The following ALKBH1 variants were observed in gnomAD, a reference collection of about 807,000 sequenced individuals.
ALKBH1 encodes the protein alkB homolog 1, histone H2A dioxygenase.
In ALKBH1, 31 loss-of-function variants were observed where a neutral mutation model predicts 36.6. The ratio of observed to expected loss-of-function variants is 0.85; its 90% CI spans 0.64 to 1.14. The LOEUF is 1.14. Ranked by LOEUF, ALKBH1 falls within the 50% of genes most tolerant of loss-of-function variation. ALKBH1 has a pLI of 0.00. For synonymous variants in ALKBH1, 183 were observed against 186.6 expected, an observed-to-expected ratio of 0.98 and a Z score of 0.16; for missense variants, 490 against 497.3, an observed-to-expected ratio of 0.99 and a Z score of 0.14.
rs1268096244 is a variant in ALKBH1 at position 77,692,970 on chromosome 14, C to T, written c.455+1768G>A. On this transcript the variant is annotated intron_variant, in intron 3 of 5. Coordinates refer to ENST00000216489, the MANE Select transcript of ALKBH1 (RefSeq NM_006020.3). Reference sequence around the variant, plus strand: ...CCTGTAATCCCAGCACTTTGGGAGGCCGAGGTGGGCAGATCACCTGAGGTC... The same window carrying T: ...CCTGTAATCCCAGCACTTTGGGAGGTCGAGGTGGGCAGATCACCTGAGGTC... Among the ~76,000 whole-genome samples the T allele has an allele frequency of 3.3e-5, 5 of 151,788 alleles. No individual in the cohort carries two copies. In the South Asian group the frequency reaches 6.2e-4, roughly 19 times the overall value.
At chr14:77,683,183 A>G (rs2080248285) in intron 3 of ALKBH1, 4 of 569,436 alleles carry the variant, frequency 7.0e-6, no homozygotes, top group Non-Finnish European at 1.3e-5. Context: ...CAAACAGTCC[A>G]GGGGTATTTT....
intron 5 of ALKBH1, among the ~76,000 whole-genome samples, chr14:77,675,410 G>A (rs1013496913): frequency 2.2e-4 from 33 of 151,470 alleles, no homozygotes; most frequent in Non-Finnish European, 1.6e-4. Context: ...TTCCAGCCTG[G>A]GTGACAGAGC....
Position 77,675,865 on chromosome 14 carries a change from A to C in ALKBH1, c.547-16T>G. The C allele has an allele frequency of 6.3e-7, 1 of 1,590,264 alleles. No homozygotes were observed. The highest frequency in any genetic ancestry group is 8.6e-7 in the Non-Finnish European group (1 of 1,158,932). On this transcript the variant is annotated splice_polypyrimidine_tract_variant and intron_variant, in intron 4 of 5. Coordinates refer to ENST00000216489, the MANE Select transcript of ALKBH1 (RefSeq NM_006020.3). Reference sequence around the variant, plus strand: ...CTGAGTATTTCTTTGGTAAATGTAGAGAGAATAAGAAAAATAAACAATGAT... The same window carrying C: ...CTGAGTATTTCTTTGGTAAATGTAGCGAGAATAAGAAAAATAAACAATGAT...
At chr14:77,689,513 A>G (rs990067236) in intron 3 of ALKBH1, among the ~76,000 whole-genome samples, 1 of 152,224 alleles carries the variant, frequency 6.6e-6, no homozygotes, top group African/African-American at 2.4e-5. Context: ...TTGGACTAAT[A>G]AAGAGGGAAT....
At position 77,673,912 on chromosome 14, in the gene ALKBH1, G is replaced by C; in HGVS notation, c.1070C>G (p.Pro357Arg). The C allele has an allele frequency of 6.2e-7, 1 of 1,614,160 alleles. No homozygotes were observed. Residue 357 changes from proline to arginine, a missense_variant, in exon 6 of 6, where the codon CCC becomes CGC. Transcript: ENST00000216489. ...GATGTCTCTTTTTTCATCCTCGATG[G>C]GTTCTAGAGGGAAATTCTGGTCTGT... ...LATDQNFPLE[P>R]IEDEKRDIST...
In ALKBH1 at chr14:77,707,811, T is replaced by C; in HGVS notation, c.183+11A>G. 6.3e-7 allele frequency: 1 copy of C among 1,579,634 alleles called. No individual in the cohort carries two copies. Among genetic ancestry groups the C allele is most frequent in the Non-Finnish European group, 8.6e-7 (1 of 1,161,308 alleles). On this transcript the variant is annotated intron_variant, in intron 1 of 5. Transcript: ENST00000216489. ...GCGATGGAGAGACGCGCGCCACTCC[T>C]CTCTCTGTACCTTTTGGGCACCAGG... is the stretch of plus-strand genomic sequence containing the variant.
chr14:77,704,261 A>T (rs1426592328), intron 2 of ALKBH1, 108 bp downstream of exon 2: 1 of 798,528 alleles, frequency 1.3e-6, no homozygotes, highest in Non-Finnish European at 2.1e-6. Context: ...TCTGTTTATT[A>T]TGTGTATCCT....
chr14:77,692,232 G>A (rs1244871319), intron 3 of ALKBH1, among the ~76,000 whole-genome samples: 1 of 152,328 alleles, frequency 6.6e-6, no homozygotes, highest in East Asian at 1.9e-4. Flanking sequence ...GACACAGAAA[G>A]GTGAAGGAAC....
At chr14:77,675,998 CTT>C (rs374529582) in intron 4 of ALKBH1, 149 bp from the exon 5 acceptor site, 9,163 of 548,304 alleles carry the variant, frequency 0.017, no homozygotes, top group South Asian at 0.024. Flanking sequence ...CTTTTCTTTT[CTT>C]TTTTTTTTTT....
chr14:77,695,215 G>C (rs761391342), intron 2 of ALKBH1, among the ~76,000 whole-genome samples: 4 of 152,132 alleles, frequency 2.6e-5, no homozygotes, highest in African/African-American at 9.7e-5. Context: ...AGAGTCATCC[G>C]AGACTTCTTT....
At chr14:77,674,615 C>T (rs1050036980) in intron 5 of ALKBH1, among the ~76,000 whole-genome samples, 3 of 152,182 alleles carry the variant, frequency 2.0e-5, no homozygotes, top group African/African-American at 4.8e-5. Context: ...TGCAGCGGCG[C>T]GATCTCGGCT....
At chr14:77,682,015 G>C (rs1041260914) in intron 3 of ALKBH1, among the ~76,000 whole-genome samples, 34 of 152,124 alleles carry the variant, frequency 2.2e-4, no homozygotes, top group African/African-American at 8.2e-4. Context: ...ATCTGTAAGT[G>C]CAACCATCTG....
chr14:77,686,419 T>C (rs1009330684), intron 3 of ALKBH1, among the ~76,000 whole-genome samples: 30 of 152,138 alleles, frequency 2.0e-4, no homozygotes, highest in African/African-American at 7.2e-4. Context: ...CAAAAGAATG[T>C]GTTCAAGCAA....
chr14:77,675,021 C>T (rs1411785470), intron 5 of ALKBH1, among the ~76,000 whole-genome samples: 2 of 152,162 alleles, frequency 1.3e-5, no homozygotes, highest in African/African-American at 4.8e-5. Context: ...GAGTAAACTA[C>T]TCAGGCTTTT....
chr14:77,675,474 T>A (rs2080200078), intron 5 of ALKBH1, among the ~76,000 whole-genome samples, 182 bp downstream of exon 5: 1 of 151,930 alleles, frequency 6.6e-6, no homozygotes, highest in African/African-American at 2.4e-5. Context: ...AAATAAAAGG[T>A]AGGCTCCATG....
rs1257357844 is a variant in ALKBH1 at position 77,694,830 on chromosome 14, T to C, written c.363A>G (p.Leu121=). ...QWHWVKQCLK[L]YSQKPNVCNL... Reference sequence around the variant, plus strand: ...TACATACATTAGGTTTCTGGGAATATAACTTAAGGCACTGTTTCACCCAGT... The same window carrying C: ...TACATACATTAGGTTTCTGGGAATACAACTTAAGGCACTGTTTCACCCAGT... The change falls in exon 3 of 6, where the codon TTA becomes TTG. Residue 121 remains leucine (L), a synonymous_variant. Coordinates refer to ENST00000216489, the MANE Select transcript of ALKBH1 (RefSeq NM_006020.3). 1 of 1,608,134 alleles carries C rather than the reference T, an allele frequency of 6.2e-7. No individual in the cohort carries two copies.
At chr14:77,692,226 C>T (rs896764547) in intron 3 of ALKBH1, among the ~76,000 whole-genome samples, 1 of 152,186 alleles carries the variant, frequency 6.6e-6, no homozygotes, top group African/African-American at 2.4e-5. Flanking sequence ...TTATGAGACA[C>T]AGAAAGGTGA....
intron 2 of ALKBH1, among the ~76,000 whole-genome samples, chr14:77,700,645 G>A (rs1332480734): frequency 6.6e-6 from 1 of 152,096 alleles, no homozygotes; most frequent in Non-Finnish European, 1.5e-5. Flanking sequence ...ACAATTTCAC[G>A]AAATAAAGAA....
chr14:77,705,408 TAA>T (rs199647508), intron 1 of ALKBH1, among the ~76,000 whole-genome samples: 2,088 of 57,506 alleles, frequency 0.036, 50 homozygotes, highest in Middle Eastern at 0.1. Context: ...AGACTCCGTC[TAA>T]GAAAAAAAAA....
Sources: gnomAD v4.1 joint callset for allele counts (sites outside exome capture counted in the v4.1 genomes callset) on GRCh38, gnomAD v4.1.1 for gene constraint, MANE v1.5 for transcripts, NCBI Gene and HGNC (gene_info 2026-07-23, HGNC 2026-07-21) for gene names.